Variants in HMCN2 observed in about 807,000 individuals in gnomAD.
The protein encoded by HMCN2 is hemicentin 2, also known as hemicentin-2.
In HMCN2, 325 loss-of-function variants were observed where a neutral mutation model predicts 377.5. That is an observed-to-expected ratio of 0.86 (90% CI 0.79 to 0.94). The LOEUF is 0.94. Ranked by LOEUF, HMCN2 falls within the 40% of genes least tolerant of loss-of-function variation. The pLI is 0.00. For synonymous variants in HMCN2, 2,007 were observed against 2,046.8 expected, an observed-to-expected ratio of 0.98 and a Z score of 0.53; for missense variants, 4,543 against 4,725.3, an observed-to-expected ratio of 0.96 and a Z score of 1.13.
intron 15 of HMCN2, among the ~76,000 whole-genome samples, chr9:130,311,158 C>T (rs1278329182): frequency 6.6e-6 from 1 of 152,168 alleles, no homozygotes; most frequent in Non-Finnish European, 1.5e-5. Flanking sequence ...GAGTGTTTGC[C>T]GAGGCCACGG....
Position 130,404,904 on chromosome 9 carries a change from T to C in HMCN2, c.12184T>C (p.Ser4062Pro). ...PVIENGLPDLSTTEGSHAFLP... is the reference protein window; with the variant it reads ...PVIENGLPDLPTTEGSHAFLP... The stretch of plus-strand genomic sequence containing the variant: ...GATCGAGAATGGCCTCCCAGACCTG[T>C]CCACCACCGAAGGCTCCCACGCCTT... Residue 4062 changes from serine to proline, a missense_variant, in exon 81 of 98, where the codon TCC becomes CCC. Ser to Pro is a moderately conservative substitution (Grantham distance 74). Around this residue, in one of 5 missense-constraint regions of HMCN2, gnomAD observed 1,073 missense variants for 1,319.5 expected, o/e 0.81. Transcript: ENST00000683500. 1 of 1,285,100 alleles carries C rather than the reference T, an allele frequency of 7.8e-7. No homozygotes were observed. The highest frequency in any genetic ancestry group is 1.3e-5 in the South Asian group (1 of 79,872). 79.6% of individuals were successfully genotyped at this position (1,285,100 alleles called of 1,614,324 possible). A position where few individuals can be genotyped will look rare whatever the true frequency, so the allele number is the denominator to read the frequency against.
chr9:130,291,786 C>T (rs1554930133), intron 4 of HMCN2, among the ~76,000 whole-genome samples: 1 of 152,230 alleles, frequency 6.6e-6, no homozygotes, highest in African/African-American at 2.4e-5. Flanking sequence ...TCATTCTATA[C>T]ATAGCCCATG....
chr9:130,412,825 C>T (rs1843500764), intron 85 of HMCN2, among the ~76,000 whole-genome samples: 1 of 152,176 alleles, frequency 6.6e-6, no homozygotes, highest in Non-Finnish European at 1.5e-5. Context: ...AATCCACCTG[C>T]CTCGGCCTCC....
chr9:130,395,281 G>A lies in HMCN2; in HGVS notation c.10845G>A (p.Leu3615=). ...GCCTGGCCCCAGGGCAGCTGGTCCT[G>A]GAGTGTTCGGTGGAGGCAGAGCCAG... ...VVGLAPGQLV[L]ECSVEAEPAP... The change falls in exon 71 of 98, where the codon CTG becomes CTA. Residue 3615 remains leucine, a synonymous_variant. Coordinates refer to ENST00000683500, the MANE Select transcript of HMCN2 (RefSeq NM_001291815.2). 1 of 1,289,632 alleles carries A rather than the reference G, an allele frequency of 7.8e-7. No individual in the cohort carries two copies. Among genetic ancestry groups the A allele is most frequent in the Non-Finnish European group, 1.0e-6 (1 of 988,770 alleles). 79.9% of individuals were successfully genotyped at this position (1,289,632 alleles called of 1,614,324 possible).
In HMCN2 at chr9:130,384,767, A is replaced by T. The variant is rs748480519; in HGVS notation, c.9075A>T (p.Arg3025=). The change falls in exon 59 of 98, where the codon CGA becomes CGT. Residue 3025 remains arginine (R), a synonymous_variant. Transcript: ENST00000683500. ...GCGAAGCCCTCAATGCTGCCGGCCG[A>T]GACCAGAAGCTGGTGCAGCTCAGTG... is the stretch of plus-strand genomic sequence containing the variant. ...YTCEALNAAG[R]DQKLVQLSVL... 7 of 1,303,514 alleles carry T rather than the reference A, an allele frequency of 5.4e-6. No homozygotes were observed. In the South Asian group the frequency reaches 8.6e-5, roughly 16 times the overall value. 80.7% of individuals were successfully genotyped at this position (1,303,514 alleles called of 1,614,324 possible).
rs966943406 is a variant in HMCN2 at position 130,423,138 on chromosome 9, G to A, written c.13381+412G>A. Reference sequence around the variant, plus strand: ...GTGAGGGGTGCAGGCTGGAGGTGACGGGAAGCGGGAAACATGGAGAATTGA... The same window carrying A: ...GTGAGGGGTGCAGGCTGGAGGTGACAGGAAGCGGGAAACATGGAGAATTGA... On this transcript the variant is annotated intron_variant, in intron 87 of 97. Transcript: ENST00000683500. The surrounding 1 kb of genome is among the most constrained non-coding windows in gnomAD (Gnocchi z 5.5). Among the ~76,000 whole-genome samples, 1 of 152,162 alleles carries A rather than the reference G, an allele frequency of 6.6e-6. No homozygotes were observed. Among genetic ancestry groups the A allele is most frequent in the African/African-American group, 2.4e-5 (1 of 41,436 alleles).
rs1470230607 is a variant in HMCN2 at position 130,326,141 on chromosome 9, C to G, written c.3193+171C>G. Reference sequence around the variant, plus strand: ...GTCCCCAGCAGCCCTCTCCCCGCCTCTCTCTGCCCCAGACCCTCTGGTCTC... The same window carrying G: ...GTCCCCAGCAGCCCTCTCCCCGCCTGTCTCTGCCCCAGACCCTCTGGTCTC... On this transcript the variant is annotated intron_variant, in intron 21 of 97. Coordinates refer to ENST00000683500, the MANE Select transcript of HMCN2 (RefSeq NM_001291815.2). 6.6e-5 allele frequency among the ~76,000 whole-genome samples: 10 copies of G among 152,312 alleles called. No homozygotes were observed. The South Asian group carries it at 1.9e-3, about 28-fold the overall frequency.
rs991498676 is a variant in HMCN2, at chr9:130,423,680, G to A, written c.13381+954G>A. ...CCCTGACTCAGAGCAAGTGGGGAGC[G>A]GGTGTGTTCCCCTTGCCCAGTCCAT... On this transcript the variant is annotated intron_variant, in intron 87 of 97. Coordinates refer to ENST00000683500, the MANE Select transcript of HMCN2 (RefSeq NM_001291815.2). The surrounding 1 kb of genome is among the most constrained non-coding windows in gnomAD (Gnocchi z 5.5). Among the ~76,000 whole-genome samples the A allele has an allele frequency of 2.6e-5, 4 of 152,204 alleles. No individual in the cohort carries two copies. The highest frequency in any genetic ancestry group is 4.4e-5 in the Non-Finnish European group (3 of 68,036).
chr9:130,424,704 CG>C (rs1161959160), intron 87 of HMCN2, 71 bp from the exon 88 acceptor site: 1 of 1,423,552 alleles, frequency 7.0e-7, no homozygotes, highest in Non-Finnish European at 9.2e-7. Context: ...GGAGCCATGA[CG>C]GGACCTTGAA....
Position 130,270,873 on chromosome 9 carries a change from C to T in HMCN2, c.259+4736C>T, listed in dbSNP as rs140522866. ...AATTACATACATGAGCCACGGTGCC[C>T]AGCCTTCCTCAGTTTTTCTTTAATG... is the stretch of plus-strand genomic sequence containing the variant. On this transcript the variant is annotated intron_variant, in intron 1 of 97. Transcript: ENST00000683500. 5.0e-3 allele frequency among the ~76,000 whole-genome samples: 736 copies of T among 148,570 alleles called. 46 individuals carry two copies. The highest frequency in any genetic ancestry group is 0.021 in the Middle Eastern group (6 of 280).
At chr9:130,381,535 A>G (rs1194378633) in intron 54 of HMCN2, among the ~76,000 whole-genome samples, 1 of 152,012 alleles carries the variant, frequency 6.6e-6, no homozygotes, top group East Asian at 1.9e-4. Flanking sequence ...CACCCGGGGA[A>G]TTTTTGTATT....
chr9:130,394,916 C>G lies in HMCN2; in HGVS notation c.10693-111C>G. ...GTTGGCTGGGAGGTGGATGGCAGAC[C>G]TCGCAGGGCTGAGTTTGAATCCTGG... On this transcript the variant is annotated intron_variant, in intron 69 of 97. Coordinates refer to ENST00000683500, the MANE Select transcript of HMCN2 (RefSeq NM_001291815.2). This position sits in a 1 kb window ranked among gnomAD's most constrained non-coding sequence, Gnocchi z 5.1. 4.6e-6 allele frequency: 3 copies of G among 647,924 alleles called. No individual in the cohort carries two copies. Among genetic ancestry groups the G allele is most frequent in the Non-Finnish European group, 6.9e-6 (3 of 436,946 alleles). The allele number at this position is 647,924 out of a possible 1,614,324, so 40.1% of individuals were successfully genotyped here.
intron 77 of HMCN2, 76 bp downstream of exon 77, chr9:130,401,023 A>G: frequency 8.4e-7 from 1 of 1,187,898 alleles, no homozygotes. Flanking sequence ...GAAAGGTCAC[A>G]TGGCGGAATA....
rs925723398 is a variant in HMCN2, at chr9:130,317,208, A to C, written c.2351-2287A>C. On this transcript the variant is annotated intron_variant, in intron 15 of 97. Transcript: ENST00000683500. ...CCAGGGCTCTGATCTTAGCCCTGCC[A>C]CTGGCTTCAAGCTGTGACCTTGGGC... 1.9e-3 allele frequency among the ~76,000 whole-genome samples: 283 copies of C among 152,286 alleles called. 5 individuals carry two copies. The highest frequency in any genetic ancestry group is 0.01 in the Middle Eastern group (3 of 294).
intron 71 of HMCN2, 29 bp downstream of exon 71, chr9:130,395,376 T>G (rs1478464313): frequency 1.2e-5 from 15 of 1,275,344 alleles, no homozygotes; most frequent in Non-Finnish European, 1.5e-5. Context: ...CCCAGGGTGC[T>G]GCCTTCTGTC....
At chr9:130,409,690 G>C (rs997403326) in intron 84 of HMCN2, among the ~76,000 whole-genome samples, 2 of 152,216 alleles carry the variant, frequency 1.3e-5, no homozygotes, top group African/African-American at 4.8e-5. Flanking sequence ...GATCCTAGCA[G>C]TTATCACTCC....
rs1844078638 is a variant in HMCN2, at chr9:130,422,535, G to A, written c.13232-42G>A. 1 of 1,290,850 alleles carries A rather than the reference G, an allele frequency of 7.7e-7. No individual in the cohort carries two copies. The highest frequency in any genetic ancestry group is 9.9e-7 in the Non-Finnish European group (1 of 1,011,410). 80.0% of individuals were successfully genotyped at this position (1,290,850 alleles called of 1,614,324 possible). ...GCCTGCTTGTGCTGTGGGCCCCGGG[G>A]TGGATAGTCAGTGGCACTGTCATTC... On this transcript the variant is annotated intron_variant, in intron 86 of 97. Transcript: ENST00000683500. The surrounding 1 kb of genome is among the most constrained non-coding windows in gnomAD (Gnocchi z 4.2).
At chr9:130,381,292 T>G (rs572375492) in intron 54 of HMCN2, among the ~76,000 whole-genome samples, 1 of 152,106 alleles carries the variant, frequency 6.6e-6, no homozygotes, top group Non-Finnish European at 1.5e-5. Context: ...CCTAGAATTC[T>G]GAGCACACAG....
At position 130,361,739 on chromosome 9, in the gene HMCN2, C is replaced by T. The variant is rs912268952; in HGVS notation, c.5951-269C>T. On this transcript the variant is annotated intron_variant, in intron 38 of 97. Coordinates refer to ENST00000683500, the MANE Select transcript of HMCN2 (RefSeq NM_001291815.2). This position sits in a 1 kb window ranked among gnomAD's most constrained non-coding sequence, Gnocchi z 4.8. ...CTTCTGCTGACCAGAGGCCTGAGTG[C>T]GAGTGCTGCTTCCTGGGTGGTCAGC... 1.8e-4 allele frequency among the ~76,000 whole-genome samples: 28 copies of T among 152,322 alleles called. No individual in the cohort carries two copies. Among genetic ancestry groups the T allele is most frequent in the South Asian group, 6.2e-4 (3 of 4,828 alleles).
Sources: allele counts gnomAD v4.1 joint callset (sites outside exome capture counted in the v4.1 genomes callset), GRCh38; gene constraint gnomAD v4.1.1; regional missense constraint gnomAD v4.1.1; non-coding constraint Gnocchi (gnomAD v3.1); transcripts MANE v1.5; gene names NCBI Gene and HGNC (gene_info 2026-07-23, HGNC 2026-07-21).